PITPNA: variants seen among roughly 807,000 people sequenced by gnomAD.
PITPNA encodes phosphatidylinositol transfer protein alpha.
A neutral mutation model predicts 50.3 loss-of-function variants in PITPNA; 13 were observed. The ratio of observed to expected loss-of-function variants is 0.26; its 90% confidence interval spans 0.17 to 0.41. PITPNA has a LOEUF of 0.41. PITPNA is among the 10% of genes least tolerant of loss of function. The pLI is 1.00. For synonymous variants in PITPNA, 120 were observed against 119.6 expected (o/e 1.00, Z -0.02); for missense variants, 207 against 333.4 (o/e 0.62, Z 2.95).
At chr17:1,558,248 A>G (rs1193828430) in intron 2 of PITPNA, among the ~76,000 whole-genome samples, 5 of 150,384 alleles carry the variant, frequency 3.3e-5, no homozygotes, top group African/African-American at 4.9e-5. Context: ...AAAAAAAAAA[A>G]GGGTCCCCAG....
Position 1,556,928 on chromosome 17 carries a change from CACTATTTAAAA to C in PITPNA, c.51+1590_51+1600del, listed in dbSNP as rs1295769826. Among the ~76,000 whole-genome samples the C allele has an allele frequency of 2.0e-5, 3 of 152,154 alleles. No individual in the cohort carries two copies. In the East Asian group the frequency reaches 5.8e-4, roughly 29 times the overall value. ...GGACAACAGAGTGAGACCCTATCTC[CACTATTTAAAA>C]TAAATATTATAAAATAAAAAAAATA... On this transcript the variant is annotated intron_variant, in intron 2 of 11. Transcript: ENST00000313486.
intron 10 of PITPNA, among the ~76,000 whole-genome samples, chr17:1,527,285 C>T (rs1163590397): frequency 6.6e-6 from 1 of 152,102 alleles, no homozygotes; most frequent in East Asian, 1.9e-4. Context: ...GCTCTGTTGC[C>T]CAGGCTGGAG....
chr17:1,522,067 ACAT>A (rs1421004201), intron 10 of PITPNA, among the ~76,000 whole-genome samples: 2 of 144,810 alleles, frequency 1.4e-5, no homozygotes, highest in African/African-American at 5.3e-5. Context: ...TACTTATGAA[ACAT>A]CTTTTTTTTT....
intron 10 of PITPNA, among the ~76,000 whole-genome samples, chr17:1,528,338 T>C (rs1357718888): frequency 1.3e-5 from 2 of 152,120 alleles, no homozygotes; most frequent in Admixed American, 6.5e-5. Flanking sequence ...ACGGGGTTTC[T>C]CCATGTTGGC....
chr17:1,551,284 TTTTC>T (rs976485397), intron 3 of PITPNA, among the ~76,000 whole-genome samples: 11 of 151,338 alleles, frequency 7.3e-5, no homozygotes, highest in Non-Finnish European at 1.6e-4. Flanking sequence ...TTTTTCTTTT[TTTTC>T]TTTTTTTTTT....
intron 10 of PITPNA, among the ~76,000 whole-genome samples, chr17:1,533,513 T>A (rs771167644): frequency 2.0e-5 from 3 of 152,112 alleles, no homozygotes; most frequent in African/African-American, 4.8e-5. Context: ...CTCCTCTGAG[T>A]GGGCCTCTCA....
intron 4 of PITPNA, among the ~76,000 whole-genome samples, chr17:1,543,242 CA>C (rs1250388553): frequency 2.6e-5 from 4 of 152,158 alleles, no homozygotes; most frequent in African/African-American, 7.2e-5. Flanking sequence ...AAAAACCAAA[CA>C]GGGAATTTAA....
chr17:1,546,721 C>T (rs192148354), intron 4 of PITPNA, among the ~76,000 whole-genome samples: 1 of 152,240 alleles, frequency 6.6e-6, no homozygotes, highest in East Asian at 1.9e-4. Flanking sequence ...TTAGGCCCTC[C>T]CAACAGGTCT....
Position 1,518,865 on chromosome 17 carries a change from G to A in PITPNA, c.*1696C>T, listed in dbSNP as rs898173971. The A allele has an allele frequency of 2.0e-5, 3 of 152,234 alleles. No individual in the cohort carries two copies. The highest frequency in any genetic ancestry group is 4.4e-5 in the Non-Finnish European group (3 of 68,032). 9.4% of individuals were successfully genotyped at this position (152,234 alleles called of 1,614,324 possible). Reference sequence around the variant, plus strand: ...GAATGCCTCTTCTCCAACTTTCCAAGTCAGATAAATGCTACCAGCAGTTGA... The same window carrying A: ...GAATGCCTCTTCTCCAACTTTCCAAATCAGATAAATGCTACCAGCAGTTGA... On this transcript the variant is annotated 3_prime_UTR_variant, in exon 12 of 12. Transcript: ENST00000313486.
At chr17:1,527,790 T>C (rs1259216074) in intron 10 of PITPNA, among the ~76,000 whole-genome samples, 2 of 152,232 alleles carry the variant, frequency 1.3e-5, no homozygotes, top group East Asian at 1.9e-4. Context: ...GATGTTACCA[T>C]TGGCAAAAAC....
intron 10 of PITPNA, among the ~76,000 whole-genome samples, chr17:1,531,389 G>A (rs1323366814): frequency 1.3e-5 from 2 of 152,092 alleles, no homozygotes; most frequent in South Asian, 2.1e-4. Context: ...TGTAACTACC[G>A]AGTACAAGCG....
chr17:1,549,737 C>T (rs950933909), intron 3 of PITPNA, among the ~76,000 whole-genome samples: 7 of 144,140 alleles, frequency 4.9e-5, no homozygotes, highest in Middle Eastern at 3.5e-3. Context: ...TGCAGTGGCA[C>T]GACCTCAGCT....
In PITPNA at chr17:1,518,414, G is replaced by A. The variant is rs1163427798; in HGVS notation, c.*2147C>T. The stretch of plus-strand genomic sequence containing the variant: ...TCTGAGTGCTAGTCAGTTTGGAGGT[G>A]GGTGAGGAGGAAAGGGGGTACTTAA... On this transcript the variant is annotated 3_prime_UTR_variant, in exon 12 of 12. Coordinates refer to ENST00000313486, the MANE Select transcript of PITPNA (RefSeq NM_006224.4). The A allele has an allele frequency of 6.6e-6, 1 of 152,670 alleles. No individual in the cohort carries two copies. The highest frequency in any genetic ancestry group is 1.5e-5 in the Non-Finnish European group (1 of 68,094). 9.5% of individuals were successfully genotyped at this position (152,670 alleles called of 1,614,324 possible).
rs746513291 is a variant in PITPNA at position 1,535,287 on chromosome 17, C to T, written c.540G>A (p.Glu180=). 6.2e-7 allele frequency: 1 copy of T among 1,611,386 alleles called. No individual in the cohort carries two copies. The highest frequency in any genetic ancestry group is 2.2e-5 in the East Asian group (1 of 44,882). The part of the protein sequence containing the change: ...RGPLGPNWKQ[E]LVNQKDCPYM... ...ATGGGCAGTCCTTCTGGTTTACAAGCTCTTGCTGCATTAGAAACATACCCA... is the reference window on the plus strand; with the variant it reads ...ATGGGCAGTCCTTCTGGTTTACAAGTTCTTGCTGCATTAGAAACATACCCA... The change falls in exon 9 of 12, where the codon GAG becomes GAA. Residue 180 remains glutamate (E), a synonymous_variant. Transcript: ENST00000313486.
intron 10 of PITPNA, among the ~76,000 whole-genome samples, chr17:1,526,730 C>T (rs1395130629): frequency 6.6e-6 from 1 of 152,106 alleles, no homozygotes; most frequent in Non-Finnish European, 1.5e-5. Flanking sequence ...AACAAGGTTC[C>T]CCATACCACT....
intron 9 of PITPNA, among the ~76,000 whole-genome samples, chr17:1,534,893 A>T (rs1293979731): frequency 6.6e-6 from 1 of 152,250 alleles, no homozygotes; most frequent in Non-Finnish European, 1.5e-5. Context: ...GGAAGCCGCC[A>T]AACTGTGAGG....
At chr17:1,534,999 C>A (rs1248914702) in intron 9 of PITPNA, among the ~76,000 whole-genome samples, 183 bp downstream of exon 9, 1 of 152,204 alleles carries the variant, frequency 6.6e-6, no homozygotes, top group Non-Finnish European at 1.5e-5. Flanking sequence ...CACGCAGTCA[C>A]TGGGAAGGCC....
At chr17:1,523,533 G>GTC (rs1006945443) in intron 10 of PITPNA, among the ~76,000 whole-genome samples, 1 of 133,238 alleles carries the variant, frequency 7.5e-6, no homozygotes, top group Non-Finnish European at 1.6e-5. Flanking sequence ...TTGAGACACA[G>GTC]TCTCTCTCTC....
intron 5 of PITPNA, among the ~76,000 whole-genome samples, chr17:1,542,017 G>C (rs929830216): frequency 6.6e-6 from 1 of 151,954 alleles, no homozygotes; most frequent in Non-Finnish European, 1.5e-5. Context: ...CTGGCCAACA[G>C]TGGTGAAACC....
Sources: allele counts gnomAD v4.1 joint callset (sites outside exome capture counted in the v4.1 genomes callset), GRCh38; gene constraint gnomAD v4.1.1; transcripts MANE v1.5; gene names NCBI Gene and HGNC (gene_info 2026-07-23, HGNC 2026-07-21).